The following PRRG1 variants were observed in gnomAD, a reference collection of about 807,000 sequenced individuals.
PRRG1 encodes proline rich and Gla domain 1.
Under a neutral mutation model 11.8 loss-of-function variants are expected in PRRG1, and 5 were observed. The observed-to-expected ratio is 0.42, with a 90% confidence interval of 0.22 to 0.89. The LOEUF (loss-of-function observed/expected upper bound fraction) is 0.89, where lower values mean the gene tolerates loss of function less well. Among genes scored for constraint, PRRG1 ranks in the 40% least tolerant of loss-of-function variants. PRRG1 has a pLI of 0.28. For synonymous variants in PRRG1, 66 were observed against 60.4 expected (o/e 1.09, Z -0.43); for missense variants, 155 against 166.1 (o/e 0.93, Z 0.37).
chrX:37,414,839 G>T (rs1932444608), intron 2 of PRRG1, among the ~76,000 whole-genome samples: 1 of 112,208 alleles, frequency 8.9e-6, no homozygotes, highest in African/African-American at 3.2e-5. Context: ...GGAACTAGTG[G>T]AATAGCTAAT....
At chrX:37,369,205 T>G (rs1930679753) in intron 1 of PRRG1, among the ~76,000 whole-genome samples, 1 of 112,471 alleles carries the variant, frequency 8.9e-6, no homozygotes, top group Admixed American at 9.4e-5. Context: ...GCATTTCTTA[T>G]AGTGCAGGTT....
chrX:37,354,635 C>T (rs1175044967), intron 1 of PRRG1, among the ~76,000 whole-genome samples: 1 of 110,051 alleles, frequency 9.1e-6, no homozygotes, highest in South Asian at 3.9e-4. Context: ...CCTTGTGATC[C>T]GCCTGCCTCG....
intron 2 of PRRG1, among the ~76,000 whole-genome samples, chrX:37,409,708 C>G (rs1158877465): frequency 8.9e-6 from 1 of 112,012 alleles, no homozygotes; most frequent in African/African-American, 3.2e-5. Flanking sequence ...TCATTTTTCT[C>G]TTTTCTGGCA....
At chrX:37,418,970 C>G (rs1254955059) in intron 2 of PRRG1, among the ~76,000 whole-genome samples, 2 of 112,025 alleles carry the variant, frequency 1.8e-5, no homozygotes, top group African/African-American at 6.5e-5. Flanking sequence ...TGAGGTTCCC[C>G]TGTAGATAAA....
At chrX:37,451,262 C>T (rs1556396513) in intron 3 of PRRG1, among the ~76,000 whole-genome samples, 1 of 112,367 alleles carries the variant, frequency 8.9e-6, no homozygotes, top group African/African-American at 3.2e-5. Context: ...AGGTGATCGC[C>T]TGCCTCAGCC....
chrX:37,372,253 CTGTT>C (rs1439009301), intron 1 of PRRG1, among the ~76,000 whole-genome samples: 2 of 111,844 alleles, frequency 1.8e-5, no homozygotes, highest in East Asian at 2.8e-4. Context: ...TACTTGTAGA[CTGTT>C]TGTATGTCTT....
At chrX:37,436,077 C>T (rs1932881822) in intron 3 of PRRG1, among the ~76,000 whole-genome samples, 1 of 111,588 alleles carries the variant, frequency 9.0e-6, no homozygotes, top group African/African-American at 3.3e-5. Context: ...CTCCTTGGAC[C>T]AGGGAACTTG....
At chrX:37,350,479 G>A (rs1298660082) in intron 1 of PRRG1, among the ~76,000 whole-genome samples, 1 of 111,456 alleles carries the variant, frequency 9.0e-6, no homozygotes, top group Non-Finnish European at 1.9e-5. Flanking sequence ...GGATTATTGG[G>A]CATGTGTGTG....
intron 1 of PRRG1, among the ~76,000 whole-genome samples, chrX:37,357,503 A>G (rs1267009882): frequency 1.8e-5 from 2 of 112,203 alleles, no homozygotes; most frequent in South Asian, 3.7e-4. Flanking sequence ...AAGGTCAACT[A>G]TGGTCTGAAA....
At chrX:37,382,330 T>C (rs1556373963) in intron 1 of PRRG1, among the ~76,000 whole-genome samples, 1 of 111,330 alleles carries the variant, frequency 9.0e-6, no homozygotes, top group Non-Finnish European at 1.9e-5. Flanking sequence ...AAGAATAAGA[T>C]AGCTCTGTCT....
intron 3 of PRRG1, among the ~76,000 whole-genome samples, chrX:37,434,283 G>A (rs958748474): frequency 2.4e-4 from 27 of 111,637 alleles, no homozygotes; most frequent in African/African-American, 8.5e-4. Context: ...TGTACTTCAC[G>A]GTCCTCATTT....
intron 1 of PRRG1, among the ~76,000 whole-genome samples, chrX:37,368,573 A>G (rs994848658): frequency 8.9e-6 from 1 of 111,975 alleles, no homozygotes; most frequent in African/African-American, 3.2e-5. Flanking sequence ...TGAATGTCTT[A>G]TAAACAGTAT....
chrX:37,445,381 C>T (rs1166940704), intron 3 of PRRG1, among the ~76,000 whole-genome samples: 1 of 112,064 alleles, frequency 8.9e-6, no homozygotes, highest in African/African-American at 3.2e-5. Context: ...AGCTCCACCC[C>T]AGAGCTACAG....
At chrX:37,356,700 G>C (rs1185766867) in intron 1 of PRRG1, among the ~76,000 whole-genome samples, 2 of 110,988 alleles carry the variant, frequency 1.8e-5, no homozygotes, top group African/African-American at 6.6e-5. Context: ...AACATTATAA[G>C]GGAAGAGAAG....
At chrX:37,418,845 G>C (rs1932576008) in intron 2 of PRRG1, among the ~76,000 whole-genome samples, 1 of 111,650 alleles carries the variant, frequency 9.0e-6, no homozygotes, top group Admixed American at 9.5e-5. Context: ...ATCTAGTTCA[G>C]CCCACCCTGC....
intron 3 of PRRG1, among the ~76,000 whole-genome samples, chrX:37,448,175 G>C (rs1015437451): frequency 1.4e-4 from 16 of 112,223 alleles, no homozygotes; most frequent in Non-Finnish European, 2.1e-4. Flanking sequence ...CGAAAGCATA[G>C]ATTTATTGAA....
intron 1 of PRRG1, among the ~76,000 whole-genome samples, chrX:37,355,000 C>T (rs1167275196): frequency 9.0e-6 from 1 of 110,944 alleles, no homozygotes; most frequent in South Asian, 3.9e-4. Flanking sequence ...AAGCCTCAAC[C>T]TCCTGGGCTC....
At chrX:37,442,437 TGTGGGATAGGGTGGGGTGAG>T (rs1933000321) in intron 3 of PRRG1, among the ~76,000 whole-genome samples, 1 of 88,459 alleles carries the variant, frequency 1.1e-5, no homozygotes, top group South Asian at 6.5e-4. Flanking sequence ...TCTGAGGGCA[TGTGGGATAGGGTGGGGTGAG>T]GTGGGGTAGG....
chrX:37,425,857 A>G lies in PRRG1; in HGVS notation c.28A>G (p.Lys10Glu), dbSNP rs1403089883. The G allele has an allele frequency of 3.4e-6, 4 of 1,184,398 alleles. No individual in the cohort carries two copies. The highest frequency in any genetic ancestry group is 4.5e-6 in the Non-Finnish European group (4 of 884,688). Residue 10 changes from lysine to glutamate, a missense_variant, in exon 3 of 4, where the codon AAA becomes GAA. Physicochemically the swap from Lys to Glu is moderately conservative, Grantham distance 56. Coordinates refer to ENST00000378628, the MANE Select transcript of PRRG1 (RefSeq NM_001142395.2). MGRVFLTGE[K>E]ANSILKRYPR... ...CTTTTTAGTTTTCCTCACGGGAGAA[A>G]AAGCCAATTCCATATTAAAACGCTA... is the stretch of plus-strand genomic sequence containing the variant.
Sources: allele counts gnomAD v4.1 joint callset (sites outside exome capture counted in the v4.1 genomes callset), GRCh38; gene constraint gnomAD v4.1.1; transcripts MANE v1.5; gene names NCBI Gene and HGNC (gene_info 2026-07-23, HGNC 2026-07-21).